The following NPAS2 variants were observed in gnomAD, a reference collection of about 807,000 sequenced individuals.
NPAS2 encodes the protein neuronal PAS domain protein 2.
In NPAS2, 23 loss-of-function variants were observed where a neutral mutation model predicts 107.5. That is an observed-to-expected ratio of 0.21 (90% CI 0.15 to 0.30). The LOEUF (loss-of-function observed/expected upper bound fraction) is 0.30. Ranked by LOEUF, NPAS2 falls within the 10% of genes least tolerant of loss-of-function variation. The pLI is 1.00. For missense variants in NPAS2, 756 were observed against 1,043.3 expected (o/e 0.72, Z 3.79); for synonymous variants, 403 against 417.5 (o/e 0.97, Z 0.42).
At chr2:100,914,285 G>A (rs1297886128) in intron 2 of NPAS2, among the ~76,000 whole-genome samples, 3 of 152,126 alleles carry the variant, frequency 2.0e-5, no homozygotes. Context: ...CTTTGTAAGA[G>A]TATGGGGCTA....
intron 5 of NPAS2, among the ~76,000 whole-genome samples, chr2:100,947,223 G>A (rs974770360): frequency 2.6e-5 from 4 of 152,152 alleles, no homozygotes; most frequent in African/African-American, 9.7e-5. Flanking sequence ...CAATATGGTA[G>A]CCACTAGCTA....
At chr2:100,892,357 T>C (rs1488488789) in intron 1 of NPAS2, among the ~76,000 whole-genome samples, 1 of 152,196 alleles carries the variant, frequency 6.6e-6, no homozygotes, top group Non-Finnish European at 1.5e-5. Flanking sequence ...ATCATCAGAT[T>C]CTTGGAAAAA....
chr2:100,942,857 TCTC>T (rs1232685970), intron 5 of NPAS2, among the ~76,000 whole-genome samples: 3 of 152,230 alleles, frequency 2.0e-5, no homozygotes, highest in African/African-American at 7.2e-5. Flanking sequence ...TCTTGTGACT[TCTC>T]CTTTTGCTCA....
intron 1 of NPAS2, 22 bp from the exon 2 acceptor site, chr2:100,904,711 A>AT (rs57350721): frequency 0.027 from 34,486 of 1,260,578 alleles, 131 homozygotes; most frequent in East Asian, 0.13. Context: ...ATTCTTTTTA[A>AT]TTTTTTTTTT....
chr2:100,925,289 A>G lies in NPAS2; in HGVS notation c.176A>G (p.His59Arg). Reference sequence around the variant, plus strand: ...AAGGTCATCGGATTTTTGCAGAAACACAATGGTAAAGGTCACCCTTCTCTC... The same window carrying G: ...AAGGTCATCGGATTTTTGCAGAAACGCAATGGTAAAGGTCACCCTTCTCTC... ...LEKVIGFLQK[H>R]NEVSAQTEIC... The change falls in exon 3 of 21, where the codon CAC (histidine) becomes CGC (arginine). Residue 59 changes from histidine to arginine, a missense_variant. By Grantham distance (29) the His-to-Arg change is conservative. This residue lies in a region of NPAS2 where 146 missense variants were observed against 249.6 expected (regional missense o/e 0.58). Coordinates refer to ENST00000335681, the MANE Select transcript of NPAS2 (RefSeq NM_002518.4). The G allele has an allele frequency of 1.2e-6, 2 of 1,614,074 alleles. No homozygotes were observed. The highest frequency in any genetic ancestry group is 1.7e-6 in the Non-Finnish European group (2 of 1,180,000).
chr2:100,870,405 C>T (rs1679510985), intron 1 of NPAS2, among the ~76,000 whole-genome samples: 1 of 151,448 alleles, frequency 6.6e-6, no homozygotes, highest in South Asian at 2.1e-4. Flanking sequence ...CCCCACCCCT[C>T]ATTTTTTTGA....
intron 16 of NPAS2, chr2:100,985,334 C>A (rs2105296983): frequency 6.5e-6 from 1 of 153,102 alleles, no homozygotes. Flanking sequence ...TTCTTCCTTC[C>A]ATCCATCCTT....
At chr2:100,989,977 G>A (rs567120195) in intron 17 of NPAS2, 2 of 417,118 alleles carry the variant, frequency 4.8e-6, no homozygotes, top group Admixed American at 3.9e-5. Context: ...CAGCCAGGAG[G>A]GCCATGTGTC....
chr2:100,962,319 TA>T (rs148503947), intron 7 of NPAS2, among the ~76,000 whole-genome samples: 4,724 of 152,186 alleles, frequency 0.031, 162 homozygotes, highest in South Asian at 0.16. Flanking sequence ...TATATATATT[TA>T]AAAAAATGAT....
intron 7 of NPAS2, among the ~76,000 whole-genome samples, chr2:100,952,885 G>A (rs556194834): frequency 7.0e-6 from 1 of 142,786 alleles, no homozygotes; most frequent in East Asian, 2.0e-4. Context: ...TATTACTGCT[G>A]TAAACACGCA....
chr2:100,925,805 T>C lies in NPAS2; in HGVS notation c.181+511T>C, dbSNP rs112656448. ...TCTGTTTTTATTGAGATATAATGTT[T>C]ATACCATAAAATTCACCATTTTAAA... On this transcript the variant is annotated intron_variant, in intron 3 of 20. Transcript: ENST00000335681. Among the ~76,000 whole-genome samples, 1,188 of 152,380 alleles carry C rather than the reference T, an allele frequency of 7.8e-3. 13 individuals are homozygous for C. The highest frequency in any genetic ancestry group is 0.025 in the African/African-American group (1,056 of 41,584).
chr2:100,819,628 T>TCCCCTGCGCGGGACAG (rs1675930618), upstream of NPAS2, among the ~76,000 whole-genome samples: 1 of 152,096 alleles, frequency 6.6e-6, no homozygotes, highest in Non-Finnish European at 1.5e-5. The surrounding 1 kb of genome is among the most constrained non-coding windows in gnomAD (Gnocchi z 5.8). Context: ...TCCCCCTTCA[T>TCCCCTGCGCGGGACAG]CCCCTGCGCG....
intron 1 of NPAS2, among the ~76,000 whole-genome samples, chr2:100,842,321 G>A (rs72968200): frequency 0.012 from 1,869 of 152,210 alleles, 33 homozygotes; most frequent in African/African-American, 0.043. Flanking sequence ...GGAGCTAAAG[G>A]TTTCTCTCCC....
intron 1 of NPAS2, among the ~76,000 whole-genome samples, chr2:100,841,701 A>G (rs1306220668): frequency 6.6e-6 from 1 of 152,142 alleles, no homozygotes. Flanking sequence ...ATACATTTAC[A>G]CATACACATA....
At chr2:100,926,912 G>A (rs1324801273) in intron 3 of NPAS2, among the ~76,000 whole-genome samples, 6 of 150,286 alleles carry the variant, frequency 4.0e-5, no homozygotes. Flanking sequence ...TCTTCTAAAA[G>A]GTTTATAACC....
upstream of NPAS2, among the ~76,000 whole-genome samples, chr2:100,818,890 A>C (rs1675880065): frequency 6.6e-6 from 1 of 152,118 alleles, no homozygotes; most frequent in Non-Finnish European, 1.5e-5. Context: ...CCCGCTGTGA[A>C]CGCCGCCGCC....
At chr2:100,837,960 A>G (rs1677168558) in intron 1 of NPAS2, among the ~76,000 whole-genome samples, 1 of 152,170 alleles carries the variant, frequency 6.6e-6, no homozygotes, top group South Asian at 2.1e-4. Context: ...GAGGCTCATC[A>G]GTGGCAGAAC....
At position 100,964,449 on chromosome 2, in the gene NPAS2, G is replaced by A. The variant is rs372488993; in HGVS notation, c.717+273G>A. ...AAATCTTCCCACCTTTCACACCGGC[G>A]TTAATACCATGCAGGCCAGGCCTGG... On this transcript the variant is annotated intron_variant, in intron 8 of 20. Coordinates refer to ENST00000335681, the MANE Select transcript of NPAS2 (RefSeq NM_002518.4). Among the ~76,000 whole-genome samples, 130 of 152,334 alleles carry A rather than the reference G, an allele frequency of 8.5e-4. 1 individual carries two copies. The highest frequency in any genetic ancestry group is 3.0e-3 in the African/African-American group (124 of 41,574).
intron 15 of NPAS2, among the ~76,000 whole-genome samples, chr2:100,978,120 A>G (rs1223267582): frequency 6.6e-6 from 1 of 152,098 alleles, no homozygotes; most frequent in Non-Finnish European, 1.5e-5. Context: ...AGCAGTGTAC[A>G]CTGTACCCAA....
Sources: gnomAD v4.1 joint callset for allele counts (sites outside exome capture counted in the v4.1 genomes callset) on GRCh38, gnomAD v4.1.1 for gene constraint, gnomAD v4.1.1 regional missense constraint, Gnocchi (gnomAD v3.1) non-coding constraint, MANE v1.5 for transcripts, NCBI Gene and HGNC (gene_info 2026-07-23, HGNC 2026-07-21) for gene names.